Variants in NRXN3 observed in about 807,000 individuals in gnomAD.
The protein encoded by NRXN3 is neurexin 3.
Under a neutral mutation model 137.6 loss-of-function variants are expected in NRXN3, and 32 were observed. That is an observed-to-expected ratio of 0.23 (90% CI 0.18 to 0.31). NRXN3 has a LOEUF of 0.31. Among genes scored for constraint, NRXN3 ranks in the 10% least tolerant of loss-of-function variants. NRXN3 has a pLI of 1.00. For missense variants in NRXN3, 1,574 were observed against 2,062.5 expected, an observed-to-expected ratio of 0.76 and a Z score of 4.59; for synonymous variants, 798 against 784.5, an observed-to-expected ratio of 1.02 and a Z score of -0.29.
At chr14:78,702,316 CTT>C (rs1418154174) in intron 6 of NRXN3, among the ~76,000 whole-genome samples, 1 of 150,460 alleles carries the variant, frequency 6.6e-6, no homozygotes, top group East Asian at 1.9e-4. Context: ...TAATATATAA[CTT>C]ATAAATAAAT....
intron 15 of NRXN3, among the ~76,000 whole-genome samples, chr14:79,118,860 G>A (rs1311688336): frequency 3.3e-5 from 5 of 152,098 alleles, no homozygotes; most frequent in Non-Finnish European, 5.9e-5. Flanking sequence ...TTTTAGTCCT[G>A]TAAGAATTAA....
At chr14:79,819,563 C>A (rs1332734753) in intron 20 of NRXN3, among the ~76,000 whole-genome samples, 1 of 137,328 alleles carries the variant, frequency 7.3e-6, no homozygotes, top group Non-Finnish European at 1.5e-5. Context: ...CGGCTCACTA[C>A]AACCTCCGCC....
intron 19 of NRXN3, among the ~76,000 whole-genome samples, chr14:79,758,996 T>G (rs541675255): frequency 3.3e-5 from 5 of 152,316 alleles, no homozygotes; most frequent in African/African-American, 1.2e-4. Flanking sequence ...CTTATTCTAC[T>G]AAACATTTTC....
chr14:78,783,623 A>T (rs2098777962), intron 8 of NRXN3, among the ~76,000 whole-genome samples: 1 of 152,144 alleles, frequency 6.6e-6, no homozygotes, highest in African/African-American at 2.4e-5. Context: ...GGTATAAGAA[A>T]CTCAGTATAA....
chr14:79,365,962 A>G (rs2093877914), intron 15 of NRXN3, among the ~76,000 whole-genome samples: 1 of 152,064 alleles, frequency 6.6e-6, no homozygotes, highest in Non-Finnish European at 1.5e-5. Context: ...TATTTATTAA[A>G]CATCTATTAT....
chr14:79,655,153 T>TATCA (rs1478390518), intron 16 of NRXN3, among the ~76,000 whole-genome samples: 1 of 152,202 alleles, frequency 6.6e-6, no homozygotes, highest in Admixed American at 6.5e-5. Flanking sequence ...GAGTTGGGAC[T>TATCA]ATCAACTAAT....
At chr14:78,378,795 A>C (rs1229539835) in intron 4 of NRXN3, among the ~76,000 whole-genome samples, 1 of 152,202 alleles carries the variant, frequency 6.6e-6, no homozygotes, top group East Asian at 1.9e-4. Flanking sequence ...GCAATCAATG[A>C]AACTGAAAAC....
At chr14:79,135,491 A>G (rs2199790) in intron 15 of NRXN3, among the ~76,000 whole-genome samples, 2,688 of 152,286 alleles carry the variant, frequency 0.018, 75 homozygotes, top group African/African-American at 0.062. Context: ...TGGGCTTGCT[A>G]AGCAATACCC....
intron 15 of NRXN3, among the ~76,000 whole-genome samples, chr14:79,144,363 C>T (rs2059098276): frequency 6.6e-6 from 1 of 152,122 alleles, no homozygotes; most frequent in African/African-American, 2.4e-5. Context: ...TGAATTCCTA[C>T]CTTGCAAAAA....
In NRXN3 at chr14:78,195,539, T is replaced by G. The variant is rs192209282; in HGVS notation, c.-704+24865T>G. On this transcript the variant is annotated intron_variant, in intron 1 of 20. Transcript: ENST00000335750. ...GAAGGAAATAAAACAAAGTAAAGGG[T>G]GGGTGTGTGACTTTAGAGAGGTGCG... is the stretch of plus-strand genomic sequence containing the variant. 1.4e-3 allele frequency among the ~76,000 whole-genome samples: 215 copies of G among 151,888 alleles called. 1 individual carries two copies. Among genetic ancestry groups the G allele is most frequent in the Middle Eastern group, 3.4e-3 (1 of 294 alleles).
chr14:79,039,782 C>T (rs1004501644), intron 15 of NRXN3, among the ~76,000 whole-genome samples: 6 of 152,090 alleles, frequency 3.9e-5, no homozygotes, highest in African/African-American at 1.4e-4. Flanking sequence ...AAACTAGACT[C>T]CTGGGCTCAA....
chr14:79,083,803 A>G (rs1365702475), intron 15 of NRXN3, among the ~76,000 whole-genome samples: 1 of 152,260 alleles, frequency 6.6e-6, no homozygotes, highest in African/African-American at 2.4e-5. Context: ...AACAGTTTTT[A>G]TTAAATCTCC....
intron 4 of NRXN3, among the ~76,000 whole-genome samples, chr14:78,318,252 G>A (rs1159297473): frequency 1.3e-5 from 2 of 152,198 alleles, no homozygotes; most frequent in Non-Finnish European, 2.9e-5. Context: ...CAGGGACTCA[G>A]CATCTTAGGA....
intron 20 of NRXN3, among the ~76,000 whole-genome samples, chr14:79,827,045 G>GTAA (rs2099305562): frequency 6.6e-6 from 1 of 152,176 alleles, no homozygotes; most frequent in African/African-American, 2.4e-5. Flanking sequence ...CTTAGCTGCA[G>GTAA]ATTGAGCATT....
chr14:78,633,251 CAA>C (rs779442429), intron 4 of NRXN3, among the ~76,000 whole-genome samples: 16 of 68,042 alleles, frequency 2.4e-4, no homozygotes, highest in South Asian at 1.7e-3. Flanking sequence ...GAGACTCTGT[CAA>C]AAAAAAAAAA....
chr14:78,450,088 A>T (rs1393391215), intron 4 of NRXN3, among the ~76,000 whole-genome samples: 1 of 152,222 alleles, frequency 6.6e-6, no homozygotes, highest in Non-Finnish European at 1.5e-5. Flanking sequence ...TAAATTTAAA[A>T]TGGATAAAAC....
chr14:79,580,841 A>C (rs934608463), intron 16 of NRXN3, among the ~76,000 whole-genome samples: 1 of 152,222 alleles, frequency 6.6e-6, no homozygotes, highest in African/African-American at 2.4e-5. Flanking sequence ...CAGAAGGAAC[A>C]CAGAATGAAA....
rs529053255 is a variant in NRXN3 at position 79,773,600 on chromosome 14, G to T, written c.4015-31512G>T. On this transcript the variant is annotated intron_variant, in intron 19 of 20. Coordinates refer to ENST00000335750, the MANE Select transcript of NRXN3 (RefSeq NM_001330195.2). ...CAATGAGAACACATGGACACAGGAA[G>T]GGGAACATCACACTCTGGGGACTGT... Among the ~76,000 whole-genome samples the T allele has an allele frequency of 7.1e-4, 96 of 135,042 alleles. 1 individual carries two copies. The highest frequency in any genetic ancestry group is 1.0e-3 in the Non-Finnish European group (67 of 64,034). 88.6% of individuals were successfully genotyped at this position (135,042 alleles called of 152,430 possible).
intron 15 of NRXN3, among the ~76,000 whole-genome samples, chr14:79,188,325 A>G (rs1300755367): frequency 6.6e-6 from 1 of 152,102 alleles, no homozygotes; most frequent in Non-Finnish European, 1.5e-5. Flanking sequence ...TAAATTCGAG[A>G]TATGTGGAAA....
Sources: allele counts gnomAD v4.1 joint callset (sites outside exome capture counted in the v4.1 genomes callset), GRCh38; gene constraint gnomAD v4.1.1; transcripts MANE v1.5; gene names NCBI Gene and HGNC (gene_info 2026-07-23, HGNC 2026-07-21).